Variants in ROBO2 observed in about 807,000 individuals in gnomAD.
The protein encoded by ROBO2 is roundabout homolog 2.
A neutral mutation model predicts 160.8 loss-of-function variants in ROBO2; 53 were observed. The ratio of observed to expected loss-of-function variants is 0.33; its 90% confidence interval spans 0.26 to 0.41. The LOEUF is 0.41. Among genes scored for constraint, ROBO2 ranks in the 10% least tolerant of loss-of-function variants. The pLI is 1.00. For synonymous variants in ROBO2, 664 were observed against 611.7 expected (o/e 1.09, Z -1.26); for missense variants, 1,577 against 1,722.4 (o/e 0.92, Z 1.49).
At chr3:76,690,831 C>A (rs1010110561) in intron 2 of ROBO2, among the ~76,000 whole-genome samples, 10 of 151,948 alleles carry the variant, frequency 6.6e-5, no homozygotes, top group Middle Eastern at 3.2e-3. Flanking sequence ...GGAAATTTAT[C>A]CAATGTTGAG....
intron 2 of ROBO2, among the ~76,000 whole-genome samples, chr3:75,939,783 G>A (rs924827986): frequency 6.6e-6 from 1 of 151,976 alleles, no homozygotes; most frequent in African/African-American, 2.4e-5. Flanking sequence ...ATGCAATTAA[G>A]CAGAATTTAA....
At chr3:77,135,427 G>T (rs2076202935) in intron 2 of ROBO2, among the ~76,000 whole-genome samples, 1 of 151,940 alleles carries the variant, frequency 6.6e-6, no homozygotes, top group South Asian at 2.1e-4. Flanking sequence ...TAGAAACAGG[G>T]TTTCTCTCTG....
intron 1 of ROBO2, among the ~76,000 whole-genome samples, chr3:77,088,021 C>T (rs959004600): frequency 6.6e-6 from 1 of 152,072 alleles, no homozygotes; most frequent in Non-Finnish European, 1.5e-5. Flanking sequence ...CTCTACCTGT[C>T]ACTGGGGCCC....
chr3:77,100,602 C>A (rs1325617524), intron 2 of ROBO2, among the ~76,000 whole-genome samples: 1 of 151,906 alleles, frequency 6.6e-6, no homozygotes, highest in Non-Finnish European at 1.5e-5. Flanking sequence ...CATTGTGGTG[C>A]ATTCACTTAG....
chr3:76,352,708 C>A (rs2074950475), intron 2 of ROBO2, among the ~76,000 whole-genome samples: 3 of 151,876 alleles, frequency 2.0e-5, no homozygotes, highest in African/African-American at 7.3e-5. Flanking sequence ...CTGTGGATTG[C>A]AGAACCAGCA....
chr3:76,823,743 C>A (rs934205852), intron 2 of ROBO2, among the ~76,000 whole-genome samples: 3 of 152,036 alleles, frequency 2.0e-5, no homozygotes, highest in Non-Finnish European at 4.4e-5. Context: ...TTTAATTGGA[C>A]AGACATTTGG....
At chr3:76,677,061 A>G (rs568184132) in intron 2 of ROBO2, among the ~76,000 whole-genome samples, 2 of 152,000 alleles carry the variant, frequency 1.3e-5, no homozygotes, top group East Asian at 3.9e-4. Context: ...ACTGTATACA[A>G]GTGCTACTAA....
intron 2 of ROBO2, among the ~76,000 whole-genome samples, chr3:77,250,963 G>A (rs898346140): frequency 1.3e-5 from 2 of 152,082 alleles, no homozygotes; most frequent in African/African-American, 4.8e-5. Flanking sequence ...ATAAACTTTG[G>A]GGGTCATTCA....
chr3:76,583,195 G>A (rs1049312952), intron 2 of ROBO2, among the ~76,000 whole-genome samples: 1 of 152,140 alleles, frequency 6.6e-6, no homozygotes. Flanking sequence ...ATTCCCTGAG[G>A]ATAGAGACTG....
chr3:77,192,962 C>A (rs1353356511), intron 2 of ROBO2, among the ~76,000 whole-genome samples: 1 of 151,804 alleles, frequency 6.6e-6, no homozygotes, highest in African/African-American at 2.4e-5. Flanking sequence ...CCCACATTTC[C>A]ATTTTTAATA....
In ROBO2 at chr3:76,885,622, A is replaced by G. The variant is rs531977044; in HGVS notation, c.110-212392A>G. Among the ~76,000 whole-genome samples the G allele has an allele frequency of 3.3e-5, 5 of 152,266 alleles. No individual in the cohort carries two copies. The South Asian group carries it at 1.0e-3, about 32-fold the overall frequency. On this transcript the variant is annotated intron_variant, in intron 2 of 26. Transcript: ENST00000487694. The stretch of plus-strand genomic sequence containing the variant: ...CATAATTAACCCATCACAAAAGTAG[A>G]TCTCAAATTAGAAGATGAATGCAAA...
intron 2 of ROBO2, among the ~76,000 whole-genome samples, chr3:77,406,088 T>C (rs1560744696): frequency 6.6e-6 from 1 of 152,146 alleles, no homozygotes; most frequent in Non-Finnish European, 1.5e-5. Flanking sequence ...TCAGGAAACT[T>C]ACAGTCATGG....
intron 2 of ROBO2, among the ~76,000 whole-genome samples, chr3:77,467,738 A>G (rs2082931339): frequency 6.6e-6 from 1 of 150,408 alleles, no homozygotes; most frequent in Non-Finnish European, 1.5e-5. Flanking sequence ...TTACCATCTT[A>G]AAAAGCACTA....
chr3:76,645,757 A>T (rs2090934293), intron 2 of ROBO2, among the ~76,000 whole-genome samples: 1 of 152,204 alleles, frequency 6.6e-6, no homozygotes, highest in South Asian at 2.1e-4. Flanking sequence ...TTGACTTTAT[A>T]GATAAGGAAA....
intron 2 of ROBO2, among the ~76,000 whole-genome samples, chr3:76,626,155 G>T (rs1297732150): frequency 6.6e-6 from 1 of 152,140 alleles, no homozygotes; most frequent in Admixed American, 6.5e-5. Flanking sequence ...TGAAAGGATG[G>T]GGTCACCATG....
intron 2 of ROBO2, among the ~76,000 whole-genome samples, chr3:76,462,725 G>A (rs188009666): frequency 1.3e-5 from 2 of 152,254 alleles, no homozygotes; most frequent in East Asian, 3.9e-4. Context: ...ATGTATGTAA[G>A]AATGTATAAA....
chr3:76,842,824 A>G (rs1446253257), intron 2 of ROBO2, among the ~76,000 whole-genome samples: 1 of 152,146 alleles, frequency 6.6e-6, no homozygotes, highest in African/African-American at 2.4e-5. Flanking sequence ...CTTTCCATAC[A>G]TTATGGAATT....
chr3:77,287,759 A>G (rs944353865), intron 2 of ROBO2, among the ~76,000 whole-genome samples: 1 of 152,082 alleles, frequency 6.6e-6, no homozygotes, highest in Non-Finnish European at 1.5e-5. Context: ...TTGATGTCTT[A>G]TTTTTTCTTT....
At chr3:77,583,002 C>T (rs1315922590) in intron 16 of ROBO2, among the ~76,000 whole-genome samples, 3 of 151,280 alleles carry the variant, frequency 2.0e-5, no homozygotes, top group East Asian at 3.9e-4. Flanking sequence ...ATTAGCCGGG[C>T]GTGGTGGCGT....
Sources: gnomAD v4.1 joint callset for allele counts (sites outside exome capture counted in the v4.1 genomes callset) on GRCh38, gnomAD v4.1.1 for gene constraint, MANE v1.5 for transcripts, NCBI Gene and HGNC (gene_info 2026-07-23, HGNC 2026-07-21) for gene names.